Variants in DNAH9 observed in about 807,000 individuals in gnomAD.
The protein encoded by DNAH9 is dynein axonemal heavy chain 9.
A neutral mutation model predicts 471.6 loss-of-function variants in DNAH9; 345 were observed. The observed-to-expected ratio is 0.73, with a 90% CI of 0.67 to 0.80. The LOEUF (loss-of-function observed/expected upper bound fraction) is 0.80. Among genes scored for constraint, DNAH9 ranks in the 30% least tolerant of loss-of-function variants. The pLI, the probability that DNAH9 is intolerant of heterozygous loss-of-function variation, is 0.00. For synonymous variants in DNAH9, 2,093 were observed against 2,123.6 expected, an observed-to-expected ratio of 0.99 and a Z score of 0.40; for missense variants, 5,407 against 5,609.2, an observed-to-expected ratio of 0.96 and a Z score of 1.15.
chr17:11,909,994 C>T (rs2190611), intron 61 of DNAH9, among the ~76,000 whole-genome samples: 36,117 of 152,044 alleles, frequency 0.24, 4,709 homozygotes, highest in African/African-American at 0.34. Context: ...TGGTGGCTCA[C>T]GCCTGTAATC....
chr17:11,702,374 T>A (rs1472794510), intron 24 of DNAH9, among the ~76,000 whole-genome samples: 4 of 152,204 alleles, frequency 2.6e-5, no homozygotes, highest in South Asian at 2.1e-4. Flanking sequence ...AGTAGGCCAC[T>A]CCTCCTTCCC....
At chr17:11,783,595 A>C in intron 39 of DNAH9, 51 bp from the exon 40 acceptor site, 1 of 1,458,592 alleles carries the variant, frequency 6.9e-7, no homozygotes, top group Non-Finnish European at 9.6e-7. Flanking sequence ...CAAAGCACTC[A>C]CCTGCCTCAG....
At chr17:11,601,877 G>T (rs2072394301) in intron 1 of DNAH9, among the ~76,000 whole-genome samples, 1 of 152,162 alleles carries the variant, frequency 6.6e-6, no homozygotes, top group Non-Finnish European at 1.5e-5. Context: ...TGTGTGTGTG[G>T]GCGGGGCGGT....
In DNAH9 at chr17:11,892,189, TAAGATC is replaced by T. The variant is rs1437702546; in HGVS notation, c.11283+243_11283+248del. On this transcript the variant is annotated intron_variant, in intron 58 of 68. Coordinates refer to ENST00000262442, the MANE Select transcript of DNAH9 (RefSeq NM_001372.4). This position sits in a 1 kb window ranked among gnomAD's most constrained non-coding sequence, Gnocchi z 4.3. ...TTTTTCTTGCTGATCCTGGAAGATC[TAAGATC>T]TTCCTCAGCACAGCACTCCAGCAGC... Among the ~76,000 whole-genome samples, 5 of 152,166 alleles carry T rather than the reference TAAGATC, an allele frequency of 3.3e-5. No homozygotes were observed. The highest frequency in any genetic ancestry group is 1.2e-4 in the African/African-American group (5 of 41,452).
intron 49 of DNAH9, among the ~76,000 whole-genome samples, chr17:11,842,572 T>TC (rs1488590540): frequency 3.9e-5 from 6 of 152,146 alleles, no homozygotes; most frequent in African/African-American, 1.4e-4. Flanking sequence ...AGTGCAGCCT[T>TC]CAGTCTGTGG....
chr17:11,659,449 A>C (rs1382676005), intron 14 of DNAH9, among the ~76,000 whole-genome samples: 1 of 152,148 alleles, frequency 6.6e-6, no homozygotes, highest in East Asian at 1.9e-4. Context: ...GCCCTGCTGC[A>C]CTGCAATCTA....
chr17:11,882,453 C>T (rs1219390168), intron 55 of DNAH9, among the ~76,000 whole-genome samples: 9 of 152,076 alleles, frequency 5.9e-5, no homozygotes, highest in African/African-American at 1.7e-4. Context: ...TACAATATGG[C>T]GGGGTCGGTA....
intron 33 of DNAH9, among the ~76,000 whole-genome samples, chr17:11,753,517 A>G (rs1292051622): frequency 1.3e-5 from 2 of 152,168 alleles, no homozygotes; most frequent in Non-Finnish European, 2.9e-5. Context: ...AATACAAAAA[A>G]TTAGCTAGGC....
chr17:11,610,568 C>G lies in DNAH9; in HGVS notation c.773+14C>G, dbSNP rs79437786. ...CTGGAAGAGCAGGTAGGCAAGAAGG[C>G]ACATGCTGGAAGTCTGGGGTGAAGA... On this transcript the variant is annotated intron_variant, in intron 3 of 68. Transcript: ENST00000262442. 8,696 of 1,610,888 alleles carry G rather than the reference C, an allele frequency of 5.4e-3. 416 individuals carry two copies. The African/African-American group carries it at 0.1, about 19-fold the overall frequency.
At chr17:11,615,618 GCT>G (rs757134656) in intron 4 of DNAH9, among the ~76,000 whole-genome samples, 18 of 148,646 alleles carry the variant, frequency 1.2e-4, no homozygotes, top group South Asian at 2.1e-4. Context: ...TATGAGCCCA[GCT>G]CTCTCTCTCT....
chr17:11,908,989 C>T (rs1401697037), intron 61 of DNAH9, among the ~76,000 whole-genome samples: 1 of 152,118 alleles, frequency 6.6e-6, no homozygotes, highest in African/African-American at 2.4e-5. Flanking sequence ...AACATCTGGT[C>T]CCTGTTGGTA....
intron 38 of DNAH9, among the ~76,000 whole-genome samples, chr17:11,775,881 C>G (rs540367826): frequency 1.3e-5 from 2 of 152,082 alleles, no homozygotes; most frequent in African/African-American, 4.8e-5. Flanking sequence ...CGTGAGCCAC[C>G]GCGCCGGGCC....
At chr17:11,604,787 A>T (rs1292603093) in intron 1 of DNAH9, among the ~76,000 whole-genome samples, 1 of 151,984 alleles carries the variant, frequency 6.6e-6, no homozygotes, top group African/African-American at 2.4e-5. Context: ...GCCATTTCTT[A>T]CCATCTCCCC....
chr17:11,781,266 T>C (rs1055197322), intron 39 of DNAH9, 92 bp downstream of exon 39: 3 of 1,329,048 alleles, frequency 2.3e-6, no homozygotes, highest in African/African-American at 1.5e-5. Flanking sequence ...ACGGCAAACC[T>C]CAGCATAGCT....
At chr17:11,659,492 G>A (rs1390211729) in intron 14 of DNAH9, among the ~76,000 whole-genome samples, 2 of 152,174 alleles carry the variant, frequency 1.3e-5, no homozygotes, top group Non-Finnish European at 2.9e-5. Context: ...GTGGCTGGGA[G>A]AGAACCCAGG....
At chr17:11,749,063 GGTTTTTTTTTGTTTTTTTTTTTGTTTT>G (rs1967032466) in intron 32 of DNAH9, among the ~76,000 whole-genome samples, 2 of 25,540 alleles carry the variant, frequency 7.8e-5, no homozygotes, top group Non-Finnish European at 2.1e-4. Context: ...TTTTTAAGAG[GGTTTTTTTTTGTTTTTTTTTTTGTTTT>G]TTTTTTTTTT....
chr17:11,635,406 C>A (rs917017916), intron 8 of DNAH9, among the ~76,000 whole-genome samples: 1 of 145,866 alleles, frequency 6.9e-6, no homozygotes, highest in Non-Finnish European at 1.5e-5. Context: ...GTCTTGAACT[C>A]CTGGCCTCAA....
chr17:11,666,388 A>T (rs2073868519), intron 15 of DNAH9, among the ~76,000 whole-genome samples: 1 of 152,176 alleles, frequency 6.6e-6, no homozygotes. Flanking sequence ...CCATGTGTCC[A>T]CTTGTGGGAA....
At chr17:11,837,217 T>A (rs11871719) in intron 49 of DNAH9, among the ~76,000 whole-genome samples, 1,805 of 152,300 alleles carry the variant, frequency 0.012, 30 homozygotes, top group African/African-American at 0.04. Flanking sequence ...ATGTAACTTG[T>A]GAAGTGATGG....
Sources: allele counts gnomAD v4.1 joint callset (sites outside exome capture counted in the v4.1 genomes callset), GRCh38; gene constraint gnomAD v4.1.1; non-coding constraint Gnocchi (gnomAD v3.1); transcripts MANE v1.5; gene names NCBI Gene and HGNC (gene_info 2026-07-23, HGNC 2026-07-21).